Variants in ANKRD50 observed in about 807,000 individuals in gnomAD.
ANKRD50 encodes the protein ankyrin repeat domain-containing protein 50.
Under a neutral mutation model 112.0 loss-of-function variants are expected in ANKRD50, and 40 were observed. The ratio of observed to expected loss-of-function variants is 0.36; its 90% CI spans 0.28 to 0.46. ANKRD50 has a LOEUF of 0.46. ANKRD50 is among the 20% of genes least tolerant of loss of function. The pLI is 1.00. For missense variants in ANKRD50, 1,487 were observed against 1,701.7 expected (o/e 0.87, Z 2.22); for synonymous variants, 613 against 619.1 (o/e 0.99, Z 0.15).
At chr4:124,707,310 T>C (rs1044346976) in intron 2 of ANKRD50, among the ~76,000 whole-genome samples, 6 of 152,044 alleles carry the variant, frequency 3.9e-5, no homozygotes, top group African/African-American at 1.4e-4. Context: ...TACGTTCCTA[T>C]TAAAATTCTC....
intron 2 of ANKRD50, among the ~76,000 whole-genome samples, chr4:124,691,935 T>C (rs935565719): frequency 3.3e-5 from 5 of 152,180 alleles, no homozygotes; most frequent in African/African-American, 9.7e-5. Context: ...AGTCTGAAAC[T>C]TTTTGAGCAC....
intron 2 of ANKRD50, among the ~76,000 whole-genome samples, chr4:124,692,051 A>T (rs1411394592): frequency 6.6e-6 from 1 of 152,228 alleles, no homozygotes; most frequent in Non-Finnish European, 1.5e-5. Flanking sequence ...CCAAGGGAAA[A>T]ATAAAAAATT....
chr4:124,668,211 GA>G (rs761722451), intron 4 of ANKRD50, among the ~76,000 whole-genome samples: 80 of 151,350 alleles, frequency 5.3e-4, no homozygotes, highest in African/African-American at 1.1e-3. Flanking sequence ...ACAGGAAGGA[GA>G]AAAAAAAATT....
chr4:124,692,653 G>A (rs1448977361), intron 2 of ANKRD50, among the ~76,000 whole-genome samples: 1 of 152,104 alleles, frequency 6.6e-6, no homozygotes, highest in Non-Finnish European at 1.5e-5. Context: ...AGAGACCCCA[G>A]AGAGCTAGCT....
In ANKRD50 at chr4:124,710,671, A is replaced by G. The variant is rs1725609823; in HGVS notation, c.-160T>C. The G allele has an allele frequency of 2.3e-6, 2 of 864,948 alleles. No homozygotes were observed. The highest frequency in any genetic ancestry group is 5.2e-5 in the Admixed American group (2 of 38,660). The allele number at this position is 864,948 out of a possible 1,614,324, so 53.6% of individuals were successfully genotyped here. On this transcript the variant is annotated 5_prime_UTR_variant, in exon 2 of 5. An upstream start codon of the reference 5' UTR is lost. Coordinates refer to ENST00000504087, the MANE Select transcript of ANKRD50 (RefSeq NM_020337.3). Reference sequence around the variant, plus strand: ...GAGTTCCTCTGTCAACAGAACGTGCATGACTTTATTTGGTTCCTTATTCTT... The same window carrying G: ...GAGTTCCTCTGTCAACAGAACGTGCGTGACTTTATTTGGTTCCTTATTCTT...
rs1031402739 is a variant in ANKRD50, at chr4:124,664,155, A to G, written c.*3363T>C. The G allele has an allele frequency of 1.3e-5, 2 of 152,008 alleles. No homozygotes were observed. Among genetic ancestry groups the G allele is most frequent in the South Asian group, 4.1e-4 (2 of 4,826 alleles). The allele number at this position is 152,008 out of a possible 1,614,324, so 9.4% of individuals were successfully genotyped here. A position where few individuals can be genotyped will look rare whatever the true frequency, so the allele number is the denominator to read the frequency against. On this transcript the variant is annotated 3_prime_UTR_variant, in exon 5 of 5. Coordinates refer to ENST00000504087, the MANE Select transcript of ANKRD50 (RefSeq NM_020337.3). ...AGATGGCCATAATATTCTGATGATC[A>G]AGGAGCACACATATACAAAAGTTAT...
At chr4:124,706,111 A>G (rs906823074) in intron 2 of ANKRD50, among the ~76,000 whole-genome samples, 2 of 152,096 alleles carry the variant, frequency 1.3e-5, no homozygotes, top group Non-Finnish European at 2.9e-5. Context: ...TTCTCTCTAT[A>G]TGAATAAGAT....
intron 2 of ANKRD50, among the ~76,000 whole-genome samples, chr4:124,681,867 A>C (rs1724893810): frequency 6.6e-6 from 1 of 152,184 alleles, no homozygotes; most frequent in South Asian, 2.1e-4. Flanking sequence ...TCTTTAAAAC[A>C]TCCATTATTC....
intron 2 of ANKRD50, among the ~76,000 whole-genome samples, chr4:124,704,377 T>C (rs1313047539): frequency 6.6e-6 from 1 of 152,198 alleles, no homozygotes; most frequent in Non-Finnish European, 1.5e-5. Context: ...CCCCTTCTGT[T>C]CTTCGCCTCT....
intron 2 of ANKRD50, among the ~76,000 whole-genome samples, chr4:124,683,211 A>C (rs972183439): frequency 2.4e-4 from 37 of 151,686 alleles, no homozygotes; most frequent in African/African-American, 9.0e-4. Flanking sequence ...GCCTCTCCAT[A>C]ATAGTGATTA....
intron 2 of ANKRD50, among the ~76,000 whole-genome samples, chr4:124,692,675 T>C (rs1401740953): frequency 6.6e-6 from 1 of 152,090 alleles, no homozygotes; most frequent in African/African-American, 2.4e-5. Flanking sequence ...ATCCCTTTTA[T>C]ACCATGCGAT....
At chr4:124,667,892 G>A (rs1730535779) in intron 4 of ANKRD50, among the ~76,000 whole-genome samples, 1 of 151,812 alleles carries the variant, frequency 6.6e-6, no homozygotes, top group Non-Finnish European at 1.5e-5. Flanking sequence ...ATTGAAGGCT[G>A]TTTATTATTA....
Position 124,667,066 on chromosome 4 carries a change from G to A in ANKRD50, c.*452C>T, listed in dbSNP as rs1467597306. On this transcript the variant is annotated 3_prime_UTR_variant, in exon 5 of 5. Transcript: ENST00000504087. ...ACGTCTTTAAAGATACAAGAAACAG[G>A]CCATACACTACAATGCAATGTGACT... The A allele has an allele frequency of 6.6e-6, 1 of 151,650 alleles. No individual in the cohort carries two copies. The highest frequency in any genetic ancestry group is 1.5e-5 in the Non-Finnish European group (1 of 67,858). The allele number at this position is 151,650 out of a possible 1,614,324, so 9.4% of individuals were successfully genotyped here.
chr4:124,696,351 GA>G (rs1202152079), intron 2 of ANKRD50, among the ~76,000 whole-genome samples: 1 of 151,786 alleles, frequency 6.6e-6, no homozygotes, highest in Non-Finnish European at 1.5e-5. Flanking sequence ...AAAAGACAGA[GA>G]AAACAGAAAA....
In ANKRD50 at chr4:124,669,179, A is replaced by T; in HGVS notation, c.4098T>A (p.Asn1366Lys). 1 of 1,613,610 alleles carries T rather than the reference A, an allele frequency of 6.2e-7. No homozygotes were observed. Among genetic ancestry groups the T allele is most frequent in the Non-Finnish European group, 8.5e-7 (1 of 1,179,758 alleles). Reference protein sequence around the residue: ...KKRNGIMTNPNYHLQSNQVFL... With the variant: ...KKRNGIMTNPKYHLQSNQVFL... Reference sequence around the variant, plus strand: ...AAACCTGGTTGCTCTGAAGATGATAATTTGGATTTGTCATTATTCCATTTC... The same window carrying T: ...AAACCTGGTTGCTCTGAAGATGATATTTTGGATTTGTCATTATTCCATTTC... Residue 1366 changes from asparagine to lysine, a missense_variant, in exon 4 of 5, where the codon AAT (asparagine) becomes AAA (lysine). By Grantham distance (94) the Asn-to-Lys change is moderately conservative (BLOSUM62 0). Coordinates refer to ENST00000504087, the MANE Select transcript of ANKRD50 (RefSeq NM_020337.3).
chr4:124,670,933 G>A lies in ANKRD50; in HGVS notation c.2344C>T (p.Arg782Cys), dbSNP rs764285889. Residue 782 changes from arginine (R) to cysteine (C), a missense_variant, in exon 4 of 5, where the codon CGT (arginine) becomes TGT (cysteine). By Grantham distance (180) the Arg-to-Cys change is radical. Transcript: ENST00000504087. ...GACGCTGCTGCTAAGAGGGGTGTAC[G>A]GCCATTGTTATCTGTGTGATCTACA... ...ADVDHTDNNG[R>C]TPLLAAASMG... 9.9e-6 allele frequency: 16 copies of A among 1,613,594 alleles called. No homozygotes were observed. The highest frequency in any genetic ancestry group is 1.3e-5 in the African/African-American group (1 of 74,804).
rs1186859409 is a variant in ANKRD50 at position 124,669,008 on chromosome 4, A to G, written c.4269T>C (p.Tyr1423=). The G allele has an allele frequency of 6.2e-7, 1 of 1,603,382 alleles. No homozygotes were observed. Among genetic ancestry groups the G allele is most frequent in the Non-Finnish European group, 8.5e-7 (1 of 1,177,322 alleles). The change falls in exon 4 of 5, where the codon TAT becomes TAC. Residue 1423 remains tyrosine (Y), a synonymous_variant. Coordinates refer to ENST00000504087, the MANE Select transcript of ANKRD50 (RefSeq NM_020337.3). ...CCTTTTATAATGGTGTTTCCTTTTT[A>G]TAGTTGAAGCTAGGGTCAGAACCTT... ...QIEGSDPSFN[Y]KKETPL
intron 3 of ANKRD50, 73 bp from the exon 4 acceptor site, chr4:124,672,607 T>C: frequency 9.8e-7 from 1 of 1,017,194 alleles, no homozygotes; most frequent in Admixed American, 3.2e-5. Context: ...TCAAAGAGAA[T>C]GTCAACATAT....
intron 2 of ANKRD50, among the ~76,000 whole-genome samples, chr4:124,701,833 A>AC (rs1158336710): frequency 6.6e-6 from 1 of 152,166 alleles, no homozygotes; most frequent in African/African-American, 2.4e-5. Flanking sequence ...TAAAAACAAA[A>AC]AAAAAAAGTA....
Sources: gnomAD v4.1 joint callset for allele counts (sites outside exome capture counted in the v4.1 genomes callset) on GRCh38, gnomAD v4.1.1 for gene constraint, MANE v1.5 for transcripts, NCBI Gene and HGNC (gene_info 2026-07-23, HGNC 2026-07-21) for gene names.